Variants in HPSE2 observed in about 807,000 individuals in gnomAD.
HPSE2 encodes heparanase 2 (inactive).
In HPSE2, 38 loss-of-function variants were observed where a neutral mutation model predicts 60.5. The ratio of observed to expected loss-of-function variants is 0.63; its 90% confidence interval spans 0.48 to 0.82. The LOEUF is 0.82. HPSE2 is among the 40% of genes least tolerant of loss of function. The pLI is 0.00. For synonymous variants in HPSE2, 295 were observed against 293.2 expected, an observed-to-expected ratio of 1.01 and a Z score of -0.06; for missense variants, 713 against 740.4, an observed-to-expected ratio of 0.96 and a Z score of 0.43.
intron 9 of HPSE2, among the ~76,000 whole-genome samples, chr10:98,539,881 C>A (rs1943405897): frequency 6.6e-6 from 1 of 152,206 alleles, no homozygotes; most frequent in African/African-American, 2.4e-5. Context: ...CTCCTTCTGT[C>A]TTCTGCTATT....
chr10:98,586,284 T>G (rs1944938580), intron 9 of HPSE2, among the ~76,000 whole-genome samples: 1 of 152,178 alleles, frequency 6.6e-6, no homozygotes, highest in Admixed American at 6.5e-5. Context: ...TGAGTCATTT[T>G]CTATCCTTGG....
chr10:98,862,783 G>T (rs932675876), intron 3 of HPSE2, among the ~76,000 whole-genome samples: 4 of 152,172 alleles, frequency 2.6e-5, no homozygotes, highest in African/African-American at 9.7e-5. Flanking sequence ...TTTTTGTAAA[G>T]ATAGGGTCTT....
At chr10:98,565,077 T>C (rs969999319) in intron 9 of HPSE2, among the ~76,000 whole-genome samples, 4 of 152,106 alleles carry the variant, frequency 2.6e-5, no homozygotes, top group African/African-American at 9.7e-5. Context: ...CCTTATATTC[T>C]TAAGCTTTTA....
intron 3 of HPSE2, among the ~76,000 whole-genome samples, chr10:98,836,933 G>A (rs1411485050): frequency 1.3e-5 from 2 of 152,168 alleles, no homozygotes; most frequent in African/African-American, 4.8e-5. Flanking sequence ...CAGCTACTCG[G>A]GAGGCTGAGG....
intron 2 of HPSE2, among the ~76,000 whole-genome samples, chr10:99,188,570 T>C (rs7075504): frequency 0.037 from 5,616 of 152,194 alleles, 310 homozygotes; most frequent in African/African-American, 0.11. Flanking sequence ...CTAAATATAC[T>C]GGAAACAACA....
chr10:99,056,225 A>T (rs913553160), intron 3 of HPSE2, among the ~76,000 whole-genome samples: 6 of 150,034 alleles, frequency 4.0e-5, no homozygotes, highest in African/African-American at 9.9e-5. Context: ...AAATTCCTTT[A>T]AAAAAAAACT....
chr10:99,051,106 G>C (rs1210598205), intron 3 of HPSE2, among the ~76,000 whole-genome samples: 1 of 151,984 alleles, frequency 6.6e-6, no homozygotes, highest in Non-Finnish European at 1.5e-5. Context: ...CCCCGTCTCT[G>C]CTAAAAAGAC....
intron 3 of HPSE2, among the ~76,000 whole-genome samples, chr10:98,851,816 A>C (rs539415528): frequency 6.6e-6 from 1 of 152,338 alleles, no homozygotes; most frequent in South Asian, 2.1e-4. Flanking sequence ...AATTCTTTAC[A>C]CTACAACTAA....
chr10:99,164,798 G>A (rs1847001148), intron 2 of HPSE2, among the ~76,000 whole-genome samples: 1 of 152,138 alleles, frequency 6.6e-6, no homozygotes, highest in Admixed American at 6.5e-5. Context: ...GCCAAGGTGG[G>A]CAGATCACGA....
At chr10:98,566,009 C>T (rs1265004122) in intron 9 of HPSE2, among the ~76,000 whole-genome samples, 1 of 152,164 alleles carries the variant, frequency 6.6e-6, no homozygotes, top group Non-Finnish European at 1.5e-5. Flanking sequence ...CCCCTCCAGG[C>T]CTCCTGCAAG....
chr10:98,851,183 G>A (rs1952165657), intron 3 of HPSE2, among the ~76,000 whole-genome samples: 1 of 152,208 alleles, frequency 6.6e-6, no homozygotes, highest in Admixed American at 6.5e-5. Flanking sequence ...ATAGCCATGT[G>A]TTCTGGACCT....
intron 3 of HPSE2, among the ~76,000 whole-genome samples, chr10:98,801,265 A>C (rs1950900133): frequency 6.6e-6 from 1 of 152,194 alleles, no homozygotes. Flanking sequence ...CTGTACAGGG[A>C]CAAACTGAAA....
intron 3 of HPSE2, among the ~76,000 whole-genome samples, chr10:98,947,681 T>C (rs1005891779): frequency 2.0e-5 from 3 of 152,138 alleles, no homozygotes; most frequent in Non-Finnish European, 4.4e-5. Flanking sequence ...GCTAACTTTA[T>C]TGTTTGGTGT....
chr10:98,997,264 C>CA (rs1206696461), intron 3 of HPSE2, among the ~76,000 whole-genome samples: 1 of 151,938 alleles, frequency 6.6e-6, no homozygotes, highest in Non-Finnish European at 1.5e-5. Flanking sequence ...AGGCATATGC[C>CA]ACCATGCCCG....
chr10:98,660,455 C>T (rs1011692736), intron 6 of HPSE2, among the ~76,000 whole-genome samples: 2 of 152,148 alleles, frequency 1.3e-5, no homozygotes, highest in Admixed American at 1.3e-4. Flanking sequence ...CCTTTCCATA[C>T]CTCTGAAAAT....
At chr10:98,627,887 A>G (rs1946258711) in intron 7 of HPSE2, among the ~76,000 whole-genome samples, 1 of 152,232 alleles carries the variant, frequency 6.6e-6, no homozygotes, top group Non-Finnish European at 1.5e-5. Context: ...ATGCATGCTA[A>G]GCAGCAGGAA....
intron 3 of HPSE2, among the ~76,000 whole-genome samples, chr10:98,778,213 T>G (rs1336991462): frequency 2.8e-5 from 4 of 140,514 alleles, no homozygotes; most frequent in Non-Finnish European, 6.1e-5. Flanking sequence ...CACATGCCCA[T>G]GAGGACCAAC....
intron 3 of HPSE2, among the ~76,000 whole-genome samples, chr10:99,061,705 T>C (rs1468877512): frequency 6.6e-6 from 1 of 152,230 alleles, no homozygotes; most frequent in Non-Finnish European, 1.5e-5. Flanking sequence ...GCACAGACTA[T>C]GGAGCCCTTG....
intron 11 of HPSE2, among the ~76,000 whole-genome samples, chr10:98,470,435 C>A (rs754991934): frequency 1.2e-4 from 18 of 152,144 alleles, no homozygotes; most frequent in African/African-American, 4.3e-4. Flanking sequence ...ATGCTCCAGG[C>A]CCCTTGTCTG....
Sources: gnomAD v4.1 joint callset for allele counts (sites outside exome capture counted in the v4.1 genomes callset) on GRCh38, gnomAD v4.1.1 for gene constraint, MANE v1.5 for transcripts, NCBI Gene and HGNC (gene_info 2026-07-23, HGNC 2026-07-21) for gene names.